ARHGEF28: variants seen among roughly 807,000 people sequenced by gnomAD.
The protein encoded by ARHGEF28 is 190 kDa guanine nucleotide exchange factor.
Under a neutral mutation model 206.6 loss-of-function variants are expected in ARHGEF28, and 152 were observed. The ratio of observed to expected loss-of-function variants is 0.74; its 90% CI spans 0.64 to 0.84. The LOEUF (loss-of-function observed/expected upper bound fraction) is 0.84, where lower values mean the gene tolerates loss of function less well. ARHGEF28 is among the 40% of genes least tolerant of loss of function. The pLI is 0.00. For missense variants in ARHGEF28, 2,028 were observed against 2,073.2 expected, an observed-to-expected ratio of 0.98 and a Z score of 0.42; for synonymous variants, 763 against 776.4, an observed-to-expected ratio of 0.98 and a Z score of 0.29.
At chr5:73,783,818 T>C (rs1248455062) in intron 7 of ARHGEF28, among the ~76,000 whole-genome samples, 1 of 152,076 alleles carries the variant, frequency 6.6e-6, no homozygotes, top group African/African-American at 2.4e-5. Flanking sequence ...TGACAGGTGT[T>C]TGGGGCAGCC....
chr5:73,900,911 G>A (rs762030321), intron 30 of ARHGEF28: 11 of 294,154 alleles, frequency 3.7e-5, no homozygotes, highest in Non-Finnish European at 5.9e-5. Context: ...AACGACACAC[G>A]AACACTTCAG....
intron 2 of ARHGEF28, among the ~76,000 whole-genome samples, chr5:73,710,596 T>A (rs1005353636): frequency 3.3e-5 from 5 of 152,354 alleles, no homozygotes; most frequent in African/African-American, 9.6e-5. Flanking sequence ...ATACTTTTGG[T>A]GTATTTAAAA....
At chr5:73,741,654 C>T (rs926624292) in intron 2 of ARHGEF28, among the ~76,000 whole-genome samples, 2 of 150,900 alleles carry the variant, frequency 1.3e-5, no homozygotes, top group African/African-American at 4.9e-5. Context: ...CTCCCGACCA[C>T]GTGATCCACC....
At chr5:73,829,553 A>G (rs1426285320) in intron 9 of ARHGEF28, among the ~76,000 whole-genome samples, 1 of 151,772 alleles carries the variant, frequency 6.6e-6, no homozygotes, top group East Asian at 2.0e-4. Flanking sequence ...CTAATTTTTT[A>G]TAATTTTTAG....
intron 2 of ARHGEF28, among the ~76,000 whole-genome samples, chr5:73,714,615 T>A (rs1285810449): frequency 6.6e-6 from 1 of 152,214 alleles, no homozygotes; most frequent in Non-Finnish European, 1.5e-5. Flanking sequence ...GGGCCATATG[T>A]CCCTATATCT....
intron 2 of ARHGEF28, among the ~76,000 whole-genome samples, chr5:73,727,628 CT>C (rs2112342972): frequency 6.6e-6 from 1 of 152,338 alleles, no homozygotes; most frequent in East Asian, 1.9e-4. Flanking sequence ...TTCTGTCCCC[CT>C]GAGACATTGT....
chr5:73,881,531 A>C (rs1394822796), intron 22 of ARHGEF28, among the ~76,000 whole-genome samples: 3 of 152,108 alleles, frequency 2.0e-5, no homozygotes, highest in East Asian at 3.9e-4. Context: ...TACCCAGGTG[A>C]TTTTTTTGAA....
At chr5:73,909,353 G>A in intron 33 of ARHGEF28, 59 bp from the exon 34 acceptor site, 1 of 1,525,426 alleles carries the variant, frequency 6.6e-7, no homozygotes, top group Non-Finnish European at 8.8e-7. Flanking sequence ...CAACCGAAAG[G>A]GTAAACAATA....
At chr5:73,790,388 A>G (rs937155852) in intron 7 of ARHGEF28, among the ~76,000 whole-genome samples, 1 of 152,186 alleles carries the variant, frequency 6.6e-6, no homozygotes, top group African/African-American at 2.4e-5. Context: ...TTTAAAGAAG[A>G]TGTCTTAAAT....
chr5:73,841,161 T>A (rs1757963576), intron 11 of ARHGEF28, among the ~76,000 whole-genome samples: 1 of 152,192 alleles, frequency 6.6e-6, no homozygotes, highest in Admixed American at 6.5e-5. Context: ...GAGACCTATA[T>A]GGAGTATTAT....
intron 2 of ARHGEF28, among the ~76,000 whole-genome samples, chr5:73,689,912 G>A (rs990947582): frequency 5.9e-5 from 9 of 152,114 alleles, no homozygotes; most frequent in Non-Finnish European, 1.2e-4. Context: ...AATGAGAAGT[G>A]CAAAAGCCTG....
chr5:73,886,633 T>A (rs2112674449), intron 25 of ARHGEF28, among the ~76,000 whole-genome samples: 1 of 152,322 alleles, frequency 6.6e-6, no homozygotes, highest in East Asian at 1.9e-4. Flanking sequence ...TGTTCAGGAG[T>A]CTAAAGCAGA....
At position 73,718,916 on chromosome 5, in the gene ARHGEF28, A is replaced by G. The variant is rs368144961; in HGVS notation, c.34-30921A>G. On this transcript the variant is annotated intron_variant, in intron 2 of 35. Transcript: ENST00000513042. The stretch of plus-strand genomic sequence containing the variant: ...TCCTTCCCTCACCCAGCCTCTCGGC[A>G]TTGCTGTGTTTACTGTGCTCTGTTC... Among the ~76,000 whole-genome samples the G allele has an allele frequency of 2.1e-4, 32 of 152,302 alleles. No homozygotes were observed. The East Asian group carries it at 3.1e-3, about 15-fold the overall frequency.
intron 2 of ARHGEF28, among the ~76,000 whole-genome samples, chr5:73,740,006 C>CA (rs1163854911): frequency 0.31 from 38,092 of 124,414 alleles, 6,032 homozygotes; most frequent in African/African-American, 0.36. Context: ...TTGTCTCTAC[C>CA]AAAAAAAAAA....
chr5:73,882,548 T>C lies in ARHGEF28; in HGVS notation c.2891T>C (p.Leu964Pro). ...FCCHHKEAVN[L>P]FKELQQNKKF... is the part of the protein sequence containing the mutation. ...TGCCATCATAAAGAAGCTGTTAACC[T>C]CTTTAAAGAACTCCAGCAGAATAAA... The change falls in exon 23 of 36, where the codon CTC becomes CCC. Residue 964 changes from leucine (L) to proline (P), a missense_variant. By Grantham distance (98) the Leu-to-Pro change is moderately conservative. Around this residue, in one of 3 missense-constraint regions of ARHGEF28, gnomAD observed 223 missense variants for 289.9 expected, o/e 0.77. Coordinates refer to ENST00000513042, the MANE Select transcript of ARHGEF28 (RefSeq NM_001177693.2). The C allele has an allele frequency of 6.6e-7, 1 of 1,518,514 alleles. No homozygotes were observed. Among genetic ancestry groups the C allele is most frequent in the East Asian group, 2.4e-5 (1 of 42,034 alleles). 94.1% of individuals were successfully genotyped at this position (1,518,514 alleles called of 1,614,324 possible).
chr5:73,827,497 T>G (rs1404088334), intron 9 of ARHGEF28, among the ~76,000 whole-genome samples: 1 of 152,214 alleles, frequency 6.6e-6, no homozygotes, highest in Non-Finnish European at 1.5e-5. Context: ...ATTTTCAGAA[T>G]AATTCTATGA....
At position 73,749,990 on chromosome 5, in the gene ARHGEF28, G is replaced by A. The variant is rs756317142; in HGVS notation, c.181+6G>A. On this transcript the variant is annotated splice_donor_region_variant and intron_variant, in intron 3 of 35. Coordinates refer to ENST00000513042, the MANE Select transcript of ARHGEF28 (RefSeq NM_001177693.2). ...TCTCCAGTCCAGCGTCCCAGGTGAG[G>A]TGTCCTCTTTGTTGTGCAGCTGGGA... The A allele has an allele frequency of 6.2e-7, 1 of 1,613,586 alleles. No individual in the cohort carries two copies. Among genetic ancestry groups the A allele is most frequent in the Non-Finnish European group, 8.5e-7 (1 of 1,179,754 alleles).
At chr5:73,911,236 A>G in intron 34 of ARHGEF28, 39 bp from the exon 35 acceptor site, 1 of 1,494,966 alleles carries the variant, frequency 6.7e-7, no homozygotes, top group Non-Finnish European at 9.0e-7. Context: ...TGTATAAGTT[A>G]GAAAAATTAT....
chr5:73,663,892 T>C (rs1745778407), intron 1 of ARHGEF28, among the ~76,000 whole-genome samples: 1 of 152,226 alleles, frequency 6.6e-6, no homozygotes, highest in African/African-American at 2.4e-5. Flanking sequence ...TGTAGTTACG[T>C]TTGTGCAAGT....
Sources: allele counts gnomAD v4.1 joint callset (sites outside exome capture counted in the v4.1 genomes callset), GRCh38; gene constraint gnomAD v4.1.1; regional missense constraint gnomAD v4.1.1; transcripts MANE v1.5; gene names NCBI Gene and HGNC (gene_info 2026-07-23, HGNC 2026-07-21).